The following C16orf74 variants were observed in gnomAD, a reference collection of about 807,000 sequenced individuals.
C16orf74 encodes the protein uncharacterized protein C16orf74.
Under a neutral mutation model 6.5 loss-of-function variants are expected in C16orf74, and 10 were observed. The observed-to-expected ratio is 1.54, with a 90% CI of 0.95 to 2.61. The LOEUF (loss-of-function observed/expected upper bound fraction) is 2.61. Among genes scored for constraint, C16orf74 ranks in the 30% most tolerant of loss-of-function variants. The probability of loss-of-function intolerance (pLI) is 0.00; values close to 1 mark genes in which losing one functional copy is unlikely to be tolerated. For synonymous variants in C16orf74, 60 were observed against 42.5 expected (o/e 1.41, Z -1.60); for missense variants, 141 against 105.9 (o/e 1.33, Z -1.45).
intron 2 of C16orf74, among the ~76,000 whole-genome samples, chr16:85,721,692 A>C (rs1007999598): frequency 6.6e-6 from 1 of 152,178 alleles, no homozygotes; most frequent in Non-Finnish European, 1.5e-5. Context: ...GACAGGGGTA[A>C]TTGTCATTCA....
chr16:85,711,315 T>TAAAA (rs34082214), intron 2 of C16orf74, among the ~76,000 whole-genome samples: 1 of 123,972 alleles, frequency 8.1e-6, no homozygotes, highest in Non-Finnish European at 1.6e-5. Flanking sequence ...GACTCCATCT[T>TAAAA]AAAAAAAAAA....
intron 2 of C16orf74, among the ~76,000 whole-genome samples, chr16:85,719,477 G>C (rs545984561): frequency 2.0e-5 from 3 of 152,144 alleles, no homozygotes; most frequent in Admixed American, 6.5e-5. Context: ...GGCACTGATC[G>C]TTTGATCCTC....
At chr16:85,712,060 T>C (rs1474867617) in intron 2 of C16orf74, among the ~76,000 whole-genome samples, 2 of 152,218 alleles carry the variant, frequency 1.3e-5, no homozygotes, top group Admixed American at 6.5e-5. Context: ...CTTGGAACAC[T>C]TGCTCTTGGG....
chr16:85,735,043 G>C (rs533226998), intron 2 of C16orf74, 147 bp downstream of exon 2: 2 of 523,940 alleles, frequency 3.8e-6, no homozygotes, highest in African/African-American at 2.0e-5. Context: ...AGCATTTTTA[G>C]AGCACCTGCT....
intron 2 of C16orf74, among the ~76,000 whole-genome samples, chr16:85,733,770 G>C (rs2054215452): frequency 6.6e-6 from 1 of 152,150 alleles, no homozygotes; most frequent in East Asian, 1.9e-4. Context: ...TGGAGTCTCA[G>C]AGGAAGCCAG....
chr16:85,731,768 G>A (rs1355292030), intron 2 of C16orf74, among the ~76,000 whole-genome samples: 1 of 152,004 alleles, frequency 6.6e-6, no homozygotes, highest in African/African-American at 2.4e-5. Context: ...GCTCACTGCA[G>A]CCTTGACTTC....
chr16:85,733,590 A>T (rs562617339), intron 2 of C16orf74, among the ~76,000 whole-genome samples: 1 of 152,192 alleles, frequency 6.6e-6, no homozygotes, highest in African/African-American at 2.4e-5. Context: ...AGTATCCTCA[A>T]TGCCTACTTT....
intron 2 of C16orf74, among the ~76,000 whole-genome samples, chr16:85,727,657 A>C (rs1308420759): frequency 1.8e-5 from 1 of 56,470 alleles, no homozygotes; most frequent in Non-Finnish European, 4.0e-5. Flanking sequence ...CTAAAAATGC[A>C]AAAAAAATAA....
At chr16:85,746,045 C>A (rs1567814745) in intron 1 of C16orf74, among the ~76,000 whole-genome samples, 1 of 152,172 alleles carries the variant, frequency 6.6e-6, no homozygotes, top group Non-Finnish European at 1.5e-5. Context: ...CATTGTTTAT[C>A]TGCAGTTAAA....
intron 1 of C16orf74, among the ~76,000 whole-genome samples, chr16:85,746,832 T>C (rs964014622): frequency 1.3e-5 from 2 of 152,184 alleles, no homozygotes; most frequent in African/African-American, 4.8e-5. Context: ...TTTTCTTCCT[T>C]CTTTAGGAAA....
In C16orf74 at chr16:85,707,999, G is replaced by T; in HGVS notation, c.*9C>A. ...GCAGGAGCCAGCCAGCCAAACCCAG[G>T]ACACCTCCTCAGGCTTCTGGGTCGA... On this transcript the variant is annotated 3_prime_UTR_variant, in exon 4 of 4. Coordinates refer to ENST00000284245, the MANE Select transcript of C16orf74 (RefSeq NM_206967.3). 1 of 1,551,834 alleles carries T rather than the reference G, an allele frequency of 6.4e-7. No individual in the cohort carries two copies. The highest frequency in any genetic ancestry group is 8.7e-7 in the Non-Finnish European group (1 of 1,147,150).
chr16:85,711,460 C>CAAA (rs11392884), intron 2 of C16orf74, among the ~76,000 whole-genome samples: 2 of 143,876 alleles, frequency 1.4e-5, no homozygotes. Context: ...ACTGAAAATA[C>CAAA]AAAAAAAAAA....
chr16:85,716,489 C>T (rs1208563284), intron 2 of C16orf74, among the ~76,000 whole-genome samples: 9 of 80,550 alleles, frequency 1.1e-4, no homozygotes, highest in Admixed American at 8.7e-4. Flanking sequence ...AGAGAGGGGA[C>T]GAAGGAGAGG....
chr16:85,722,158 C>T (rs932136656), intron 2 of C16orf74, among the ~76,000 whole-genome samples: 4 of 151,826 alleles, frequency 2.6e-5, no homozygotes, highest in African/African-American at 9.7e-5. Context: ...GCCACTGTGC[C>T]CAGCTCTGAC....
At chr16:85,744,731 G>T (rs1341434659) in intron 1 of C16orf74, among the ~76,000 whole-genome samples, 1 of 151,192 alleles carries the variant, frequency 6.6e-6, no homozygotes, top group Non-Finnish European at 1.5e-5. Context: ...TTGGGAGGCT[G>T]AGGCAGGAGA....
rs765832318 is a variant in C16orf74 at position 85,709,966 on chromosome 16, GC to G, written c.172+197del. Among the ~76,000 whole-genome samples, 431 of 152,366 alleles carry G rather than the reference GC, an allele frequency of 2.8e-3. 1 individual carries two copies. The highest frequency in any genetic ancestry group is 4.6e-3 in the Non-Finnish European group (316 of 68,032). On this transcript the variant is annotated intron_variant, in intron 3 of 3. Transcript: ENST00000284245. ...GGGCTGTCTACTAATTACTTAACAC[GC>G]CGCGTCGTGCTGAGGCTGGCGCCGT...
intron 2 of C16orf74, among the ~76,000 whole-genome samples, chr16:85,711,272 C>T (rs2053967043): frequency 6.9e-6 from 1 of 145,708 alleles, no homozygotes; most frequent in African/African-American, 2.6e-5. Context: ...GCTGAGATCA[C>T]ACCATTGCAC....
chr16:85,746,402 T>C (rs1235519375), intron 1 of C16orf74, among the ~76,000 whole-genome samples: 1 of 152,160 alleles, frequency 6.6e-6, no homozygotes, highest in East Asian at 1.9e-4. Context: ...TTAGTTATCC[T>C]TGTGTTTATC....
chr16:85,709,199 C>G (rs2053942679), intron 3 of C16orf74, among the ~76,000 whole-genome samples: 1 of 152,206 alleles, frequency 6.6e-6, no homozygotes, highest in East Asian at 1.9e-4. Context: ...TACTAAAATA[C>G]AAAAATTAGC....
Sources: allele counts gnomAD v4.1 joint callset (sites outside exome capture counted in the v4.1 genomes callset), GRCh38; gene constraint gnomAD v4.1.1; transcripts MANE v1.5; gene names NCBI Gene and HGNC (gene_info 2026-07-23, HGNC 2026-07-21).